TMEM135: variants seen among roughly 807,000 people sequenced by gnomAD.
TMEM135 encodes peroxisomal membrane protein 52.
Under a neutral mutation model 60.3 loss-of-function variants are expected in TMEM135, and 30 were observed. That is an observed-to-expected ratio of 0.50 (90% CI 0.37 to 0.68). The LOEUF (loss-of-function observed/expected upper bound fraction) is 0.68, where lower values mean the gene tolerates loss of function less well. Among genes scored for constraint, TMEM135 ranks in the 30% least tolerant of loss-of-function variants. TMEM135 has a pLI of 0.00. For synonymous variants in TMEM135, 190 were observed against 186.7 expected (o/e 1.02, Z -0.14); for missense variants, 468 against 548.8 (o/e 0.85, Z 1.47).
chr11:87,149,140 A>T (rs1398695998), intron 4 of TMEM135, among the ~76,000 whole-genome samples: 2 of 152,230 alleles, frequency 1.3e-5, no homozygotes, highest in African/African-American at 4.8e-5. Flanking sequence ...GCTCTTATGT[A>T]TAAATTACAT....
intron 6 of TMEM135, among the ~76,000 whole-genome samples, chr11:87,245,932 A>G (rs10898631): frequency 0.24 from 11,873 of 49,314 alleles, 2,432 homozygotes; most frequent in Middle Eastern, 0.48. Context: ...AGTTGTTGCA[A>G]TTTCTTCCTA....
chr11:87,236,374 CA>C (rs1295501298), intron 5 of TMEM135, among the ~76,000 whole-genome samples: 2 of 151,586 alleles, frequency 1.3e-5, no homozygotes, highest in South Asian at 2.1e-4. Context: ...AAAAAAATTG[CA>C]AAAAAATCAC....
intron 6 of TMEM135, among the ~76,000 whole-genome samples, chr11:87,274,830 TTATA>T (rs1419925751): frequency 2.0e-5 from 2 of 99,504 alleles, no homozygotes; most frequent in African/African-American, 8.2e-5. Context: ...GTGTGTGTGT[TTATA>T]TATTTATATA....
intron 4 of TMEM135, among the ~76,000 whole-genome samples, chr11:87,116,564 A>G (rs1035640465): frequency 2.5e-5 from 3 of 120,318 alleles, no homozygotes; most frequent in African/African-American, 8.8e-5. Flanking sequence ...TCTTAATAGG[A>G]TTGGTATAAA....
At chr11:87,202,562 T>A (rs1257633649) in intron 5 of TMEM135, among the ~76,000 whole-genome samples, 2 of 152,156 alleles carry the variant, frequency 1.3e-5, no homozygotes, top group Non-Finnish European at 2.9e-5. Context: ...ATAGTTTGCA[T>A]TTTTATTAAC....
At chr11:87,218,492 T>C (rs1940549237) in intron 5 of TMEM135, among the ~76,000 whole-genome samples, 1 of 152,182 alleles carries the variant, frequency 6.6e-6, no homozygotes, top group East Asian at 1.9e-4. Flanking sequence ...CTCTATTTCT[T>C]TAACATCTAC....
chr11:87,077,312 G>A (rs1483204438), intron 3 of TMEM135, among the ~76,000 whole-genome samples: 2 of 152,166 alleles, frequency 1.3e-5, no homozygotes, highest in East Asian at 3.8e-4. Context: ...GATGTAGCTT[G>A]TATTACTAAG....
chr11:87,108,426 T>C (rs2135194723), intron 4 of TMEM135, among the ~76,000 whole-genome samples: 1 of 152,224 alleles, frequency 6.6e-6, no homozygotes, highest in African/African-American at 2.4e-5. Flanking sequence ...ATCCAATGTC[T>C]CTTTCATTTT....
intron 5 of TMEM135, among the ~76,000 whole-genome samples, chr11:87,172,636 T>C (rs1224838582): frequency 1.3e-5 from 2 of 152,002 alleles, no homozygotes; most frequent in Non-Finnish European, 2.9e-5. Context: ...TGGCACAAAA[T>C]AAAGATCTCA....
intron 9 of TMEM135, 111 bp downstream of exon 9, chr11:87,306,116 C>G: frequency 3.3e-6 from 2 of 613,366 alleles, no homozygotes; most frequent in Non-Finnish European, 2.5e-6. Flanking sequence ...TTAATAAATG[C>G]TATCATTCTT....
chr11:87,245,829 T>C (rs1227242729), intron 6 of TMEM135, among the ~76,000 whole-genome samples: 1 of 88,200 alleles, frequency 1.1e-5, no homozygotes, highest in East Asian at 2.2e-4. Flanking sequence ...TGTCTTTTAA[T>C]TGGAGCATTT....
chr11:87,228,810 A>G (rs1048354900), intron 5 of TMEM135, among the ~76,000 whole-genome samples: 5 of 152,204 alleles, frequency 3.3e-5, no homozygotes, highest in Admixed American at 1.3e-4. Flanking sequence ...TAAATAGTAA[A>G]AACAGCTTTC....
chr11:87,169,663 G>C (rs938352022), intron 5 of TMEM135, among the ~76,000 whole-genome samples: 1 of 152,126 alleles, frequency 6.6e-6, no homozygotes, highest in South Asian at 2.1e-4. Context: ...TTTCTGTAGA[G>C]ATACCTGCTG....
chr11:87,089,992 A>G (rs1213954903), intron 3 of TMEM135, among the ~76,000 whole-genome samples: 2 of 152,306 alleles, frequency 1.3e-5, no homozygotes, highest in Admixed American at 6.5e-5. Context: ...CGTTTGCTGC[A>G]TAGATCATCC....
chr11:87,085,190 G>T (rs1254726406), intron 3 of TMEM135, among the ~76,000 whole-genome samples: 2 of 152,196 alleles, frequency 1.3e-5, no homozygotes, highest in African/African-American at 4.8e-5. Flanking sequence ...TTGCGTGAAA[G>T]AAATCCTGTC....
intron 6 of TMEM135, 69 bp from the exon 7 acceptor site, chr11:87,295,712 GA>G (rs1453950306): frequency 5.2e-6 from 7 of 1,338,428 alleles, no homozygotes; most frequent in Non-Finnish European, 7.3e-6. Flanking sequence ...ATTATTTTCA[GA>G]AAAAAATTGA....
chr11:87,077,341 C>T (rs1457653687), intron 3 of TMEM135, among the ~76,000 whole-genome samples: 1 of 152,122 alleles, frequency 6.6e-6, no homozygotes, highest in Non-Finnish European at 1.5e-5. Flanking sequence ...TTTTTTATTG[C>T]CCAGTAGCAT....
intron 5 of TMEM135, among the ~76,000 whole-genome samples, chr11:87,197,479 C>T (rs1295787006): frequency 6.6e-6 from 1 of 152,000 alleles, no homozygotes; most frequent in Non-Finnish European, 1.5e-5. Flanking sequence ...GAGATGGTAA[C>T]CTGTAATTTG....
chr11:87,240,593 T>C (rs367611861), intron 6 of TMEM135, among the ~76,000 whole-genome samples: 3 of 151,968 alleles, frequency 2.0e-5, no homozygotes, highest in African/African-American at 7.2e-5. Flanking sequence ...AAAGAAAGAA[T>C]CAACAATAAA....
Sources: allele counts gnomAD v4.1 joint callset (sites outside exome capture counted in the v4.1 genomes callset), GRCh38; gene constraint gnomAD v4.1.1; transcripts MANE v1.5; gene names NCBI Gene and HGNC (gene_info 2026-07-23, HGNC 2026-07-21).